MAD1L1: variants seen among roughly 807,000 people sequenced by gnomAD.
The protein encoded by MAD1L1 is mitotic arrest deficient 1 like 1, also known as mitotic spindle assembly checkpoint protein MAD1.
In MAD1L1, 95 loss-of-function variants were observed where a neutral mutation model predicts 96.9. That is an observed-to-expected ratio of 0.98 (90% CI 0.83 to 1.16). MAD1L1 has a LOEUF of 1.16. Ranked by LOEUF, MAD1L1 falls within the 50% of genes most tolerant of loss-of-function variation. The probability of loss-of-function intolerance (pLI) is 0.00; values close to 1 mark genes in which losing one functional copy is unlikely to be tolerated. For synonymous variants in MAD1L1, 473 were observed against 396.6 expected (o/e 1.19, Z -2.29); for missense variants, 1,007 against 954.4 (o/e 1.06, Z -0.73).
intron 12 of MAD1L1, among the ~76,000 whole-genome samples, chr7:2,016,288 G>A (rs186407518): frequency 2.0e-4 from 30 of 152,288 alleles, no homozygotes; most frequent in South Asian, 6.2e-4. Context: ...TGTGGCCAGC[G>A]TGCTCCCCAC....
At chr7:2,188,578 T>C (rs1791569094) in intron 10 of MAD1L1, among the ~76,000 whole-genome samples, 1 of 152,174 alleles carries the variant, frequency 6.6e-6, no homozygotes, top group Non-Finnish European at 1.5e-5. Flanking sequence ...GCCAAAACCA[T>C]TCAATGAGGA....
chr7:1,847,883 C>G (rs1562452925), intron 18 of MAD1L1: 1 of 365,392 alleles, frequency 2.7e-6, no homozygotes. Flanking sequence ...TCCCTGTGAC[C>G]TGCAATGCTC....
intron 18 of MAD1L1, among the ~76,000 whole-genome samples, chr7:1,880,610 G>A (rs1017884905): frequency 1.3e-5 from 2 of 152,178 alleles, no homozygotes; most frequent in African/African-American, 4.8e-5. Context: ...GAACCTGCGT[G>A]CGTCCCATCT....
intron 15 of MAD1L1, among the ~76,000 whole-genome samples, chr7:1,973,186 G>A (rs138690992): frequency 2.5e-4 from 38 of 152,318 alleles, no homozygotes; most frequent in Non-Finnish European, 1.3e-4. Flanking sequence ...ACTCAGTTCC[G>A]TCAGTCGTGG....
intron 3 of MAD1L1, among the ~76,000 whole-genome samples, chr7:2,226,012 C>T (rs1321593397): frequency 6.6e-6 from 1 of 152,196 alleles, no homozygotes; most frequent in East Asian, 1.9e-4. Flanking sequence ...AGGTGCTGCC[C>T]ACATCCCTTG....
intron 18 of MAD1L1, chr7:1,817,621 C>G (rs1424766904): frequency 3.3e-5 from 5 of 152,268 alleles, no homozygotes; most frequent in African/African-American, 9.7e-5. Context: ...AAATGTGCCA[C>G]GGTTAGACTG....
chr7:2,228,792 G>A (rs1283820349), intron 3 of MAD1L1, among the ~76,000 whole-genome samples: 2 of 151,460 alleles, frequency 1.3e-5, no homozygotes, highest in African/African-American at 4.9e-5. Context: ...CCAGGCTGGA[G>A]TGCGGTGGCG....
At chr7:1,882,603 G>A (rs1023820423) in intron 18 of MAD1L1, among the ~76,000 whole-genome samples, 2 of 152,210 alleles carry the variant, frequency 1.3e-5, no homozygotes, top group Admixed American at 6.5e-5. Flanking sequence ...ACAGGGTCCT[G>A]CTCACCTCCT....
chr7:2,068,258 T>C (rs1358701633), intron 12 of MAD1L1, among the ~76,000 whole-genome samples: 1 of 152,226 alleles, frequency 6.6e-6, no homozygotes, highest in East Asian at 1.9e-4. Context: ...CCGAGGGACC[T>C]AGGCCCATGT....
intron 10 of MAD1L1, among the ~76,000 whole-genome samples, chr7:2,164,846 C>T (rs1006340744): frequency 2.0e-5 from 3 of 152,032 alleles, no homozygotes; most frequent in Non-Finnish European, 2.9e-5. Context: ...CTAAGGAGGC[C>T]GACCATGACA....
chr7:2,202,418 G>A (rs1329086255), intron 10 of MAD1L1, among the ~76,000 whole-genome samples: 1 of 152,198 alleles, frequency 6.6e-6, no homozygotes, highest in Non-Finnish European at 1.5e-5. Context: ...CCAGCTCCAG[G>A]GTCCTGGGAC....
rs758808458 is a variant in MAD1L1 at position 1,957,708 on chromosome 7, T to C, written c.1517A>G (p.Glu506Gly). The change falls in exon 16 of 19, where the codon GAG becomes GGG. Residue 506 changes from glutamate (E) to glycine (G), a missense_variant. Coordinates refer to ENST00000265854, the MANE Select transcript of MAD1L1 (RefSeq NM_001013836.2). ...EEADTLRLKV[E>G]ELEGERSRLE... ...CCGACTCCGCTCGCCTTCCAGCTCC[T>C]CGACCTTCAACCTGCAAGGACAGCA... 1 of 1,613,986 alleles carries C rather than the reference T, an allele frequency of 6.2e-7. No homozygotes were observed. The highest frequency in any genetic ancestry group is 8.5e-7 in the Non-Finnish European group (1 of 1,180,024).
chr7:2,025,476 G>A (rs975246513), intron 12 of MAD1L1, among the ~76,000 whole-genome samples: 5 of 152,176 alleles, frequency 3.3e-5, no homozygotes, highest in Admixed American at 1.3e-4. Context: ...AAATAAAAGT[G>A]AATTAAATAT....
chr7:1,914,024 C>CG (rs1241225566), intron 17 of MAD1L1, among the ~76,000 whole-genome samples: 3 of 152,096 alleles, frequency 2.0e-5, no homozygotes, highest in African/African-American at 7.2e-5. Flanking sequence ...CAGGTCTCCC[C>CG]CCCCAGCACG....
chr7:1,889,518 C>A (rs906600496), intron 18 of MAD1L1, among the ~76,000 whole-genome samples: 1 of 152,220 alleles, frequency 6.6e-6, no homozygotes, highest in Admixed American at 6.5e-5. Context: ...CTTGTCGGGG[C>A]CAGGCCTGCA....
At chr7:1,827,265 G>A (rs62434668) in intron 18 of MAD1L1, among the ~76,000 whole-genome samples, 23,359 of 152,298 alleles carry the variant, frequency 0.15, 2,123 homozygotes, top group South Asian at 0.28. Flanking sequence ...AGGGCAGCAG[G>A]AGCACAGAAC....
chr7:2,030,964 C>G (rs1222569680), intron 12 of MAD1L1, among the ~76,000 whole-genome samples: 1 of 152,230 alleles, frequency 6.6e-6, no homozygotes, highest in Non-Finnish European at 1.5e-5. Flanking sequence ...ACAAGGTTAT[C>G]TTATCTGACC....
At chr7:1,900,303 T>C (rs1226763023) in intron 17 of MAD1L1, among the ~76,000 whole-genome samples, 1 of 152,242 alleles carries the variant, frequency 6.6e-6, no homozygotes, top group Non-Finnish European at 1.5e-5. Flanking sequence ...GTTAGCAGCA[T>C]CCAGATGTCA....
At chr7:1,951,200 C>A (rs1046111204) in intron 16 of MAD1L1, among the ~76,000 whole-genome samples, 1 of 152,380 alleles carries the variant, frequency 6.6e-6, no homozygotes, top group East Asian at 1.9e-4. Flanking sequence ...CAACAGCCAG[C>A]GCCTAAACCA....
Sources: gnomAD v4.1 joint callset for allele counts (sites outside exome capture counted in the v4.1 genomes callset) on GRCh38, gnomAD v4.1.1 for gene constraint, MANE v1.5 for transcripts, NCBI Gene and HGNC (gene_info 2026-07-23, HGNC 2026-07-21) for gene names.